Variants in NFASC observed in about 807,000 individuals in gnomAD.
The protein encoded by NFASC is neurofascin homolog.
In NFASC, 43 loss-of-function variants were observed where a neutral mutation model predicts 147.5. The observed-to-expected ratio is 0.29, with a 90% CI of 0.23 to 0.38. NFASC has a LOEUF of 0.38. NFASC is among the 10% of genes least tolerant of loss of function. NFASC has a pLI of 1.00. For synonymous variants in NFASC, 622 were observed against 665.5 expected, an observed-to-expected ratio of 0.93 and a Z score of 1.01; for missense variants, 1,320 against 1,689.0, an observed-to-expected ratio of 0.78 and a Z score of 3.83.
chr1:204,982,503 G>C (rs924179219), intron 21 of NFASC, among the ~76,000 whole-genome samples: 1 of 152,220 alleles, frequency 6.6e-6, no homozygotes, highest in Admixed American at 6.5e-5. Context: ...GGATCAGGAG[G>C]CCTCCTCAGC....
chr1:204,874,332 C>T (rs1174982194), intron 1 of NFASC, among the ~76,000 whole-genome samples: 2 of 152,224 alleles, frequency 1.3e-5, no homozygotes, highest in African/African-American at 4.8e-5. Context: ...TGCTAAATTC[C>T]AGTTCTTCTG....
At chr1:204,865,310 A>G (rs1321695050) in intron 1 of NFASC, among the ~76,000 whole-genome samples, 2 of 152,226 alleles carry the variant, frequency 1.3e-5, no homozygotes, top group Admixed American at 6.5e-5. Flanking sequence ...TTATACTGTA[A>G]TAAAAGTCAT....
intron 17 of NFASC, 137 bp downstream of exon 17, chr1:204,977,862 C>A: frequency 1.5e-6 from 1 of 683,782 alleles, no homozygotes; most frequent in Non-Finnish European, 2.4e-6. Context: ...TACATGGGAC[C>A]TCCTTTGAGT....
At chr1:205,007,212 G>A (rs1179838907) in intron 27 of NFASC, among the ~76,000 whole-genome samples, 1 of 151,572 alleles carries the variant, frequency 6.6e-6, no homozygotes, top group African/African-American at 2.4e-5. Context: ...CCACAACATA[G>A]CAAGACCCTG....
chr1:204,846,200 C>CAAA (rs60005710), intron 1 of NFASC, among the ~76,000 whole-genome samples: 11 of 109,834 alleles, frequency 1.0e-4, no homozygotes, highest in African/African-American at 2.8e-4. Flanking sequence ...CCTGTCTATA[C>CAAA]AAAAAAAAAA....
intron 2 of NFASC, among the ~76,000 whole-genome samples, chr1:204,938,055 G>A (rs1328461482): frequency 6.6e-6 from 1 of 152,246 alleles, no homozygotes; most frequent in Admixed American, 6.5e-5. Context: ...CACTTCAGAT[G>A]TGTTGTGACC....
intron 21 of NFASC, among the ~76,000 whole-genome samples, chr1:204,982,368 C>G (rs2095524922): frequency 6.6e-6 from 1 of 152,214 alleles, no homozygotes; most frequent in African/African-American, 2.4e-5. Flanking sequence ...GGCAGTCTGC[C>G]TTACTGCTAA....
rs767480384 is a variant in NFASC at position 204,948,709 on chromosome 1, C to T, written c.92-1848C>T. On this transcript the variant is annotated intron_variant, in intron 3 of 29. Coordinates refer to ENST00000339876, the MANE Select transcript of NFASC (RefSeq NM_001005388.3). Reference sequence around the variant, plus strand: ...CTTCTTCCTTGGATCTGGAGATTCCCTGGACAATGTCTAGGGCTCTTTCCA... The same window carrying T: ...CTTCTTCCTTGGATCTGGAGATTCCTTGGACAATGTCTAGGGCTCTTTCCA... 1.9e-5 allele frequency: 10 copies of T among 519,048 alleles called. No individual in the cohort carries two copies. The Admixed American group carries it at 1.9e-4, about 10-fold the overall frequency. 32.2% of individuals were successfully genotyped at this position (519,048 alleles called of 1,614,324 possible).
rs940976741 is a variant in NFASC at position 204,994,687 on chromosome 1, G to A, written c.2783-2483G>A. On this transcript the variant is annotated intron_variant, in intron 24 of 29. Coordinates refer to ENST00000339876, the MANE Select transcript of NFASC (RefSeq NM_001005388.3). ...TTTTGTTTACTTGAGGCAGAGTCTC[G>A]CTCTGTCGCCCAGGCTAGAGTGCAG... 6.6e-5 allele frequency among the ~76,000 whole-genome samples: 10 copies of A among 152,178 alleles called. 1 individual carries two copies. The highest frequency in any genetic ancestry group is 2.1e-4 in the South Asian group (1 of 4,822).
In NFASC at chr1:205,016,288, C is replaced by T. The variant is rs374727306; in HGVS notation, c.3492-20C>T. The T allele has an allele frequency of 5.1e-6, 8 of 1,568,390 alleles. No homozygotes were observed. The highest frequency in any genetic ancestry group is 7.0e-6 in the Non-Finnish European group (8 of 1,138,852). Reference sequence around the variant, plus strand: ...GCCCCATCTCACCCCACCTGAGATTCTCTGTCTCTCTTTGGCCAGTGATGA... The same window carrying T: ...GCCCCATCTCACCCCACCTGAGATTTTCTGTCTCTCTTTGGCCAGTGATGA... On this transcript the variant is annotated intron_variant, in intron 29 of 29. Coordinates refer to ENST00000339876, the MANE Select transcript of NFASC (RefSeq NM_001005388.3). This position sits in a 1 kb window ranked among gnomAD's most constrained non-coding sequence, Gnocchi z 5.1.
chr1:204,942,994 C>T (rs1170772235), intron 2 of NFASC, among the ~76,000 whole-genome samples: 2 of 152,164 alleles, frequency 1.3e-5, no homozygotes, highest in Non-Finnish European at 2.9e-5. Context: ...GCACTGGAGT[C>T]CTGTTCTTAT....
rs986722471 is a variant in NFASC at position 204,920,660 on chromosome 1, G to A, written c.-171G>A. The A allele has an allele frequency of 9.3e-6, 12 of 1,289,304 alleles. No homozygotes were observed. In the African/African-American group the frequency reaches 1.5e-4, roughly 16 times the overall value. The allele number at this position is 1,289,304 out of a possible 1,614,324, so 79.9% of individuals were successfully genotyped here. ...GATTGACTTATGTGCAATTTGGGAC[G>A]CTGGAGTTTACCTTCCCTCCGCAGC... On this transcript the variant is annotated 5_prime_UTR_variant, in exon 2 of 30. Transcript: ENST00000339876.
intron 2 of NFASC, 147 bp downstream of exon 2, chr1:204,920,887 A>G: frequency 5.4e-6 from 2 of 371,430 alleles, no homozygotes; most frequent in Non-Finnish European, 1.0e-5. Flanking sequence ...TCTTCTCCCC[A>G]GAGATAGAAG....
At chr1:204,965,148 A>G (rs538319648) in intron 8 of NFASC, among the ~76,000 whole-genome samples, 1 of 152,298 alleles carries the variant, frequency 6.6e-6, no homozygotes, top group African/African-American at 2.4e-5. Context: ...TTGATCAGGC[A>G]TTAGGTCAGA....
chr1:204,940,004 T>C (rs1035237978), intron 2 of NFASC, among the ~76,000 whole-genome samples: 1 of 152,212 alleles, frequency 6.6e-6, no homozygotes, highest in Non-Finnish European at 1.5e-5. Context: ...CTGCCTTCCA[T>C]GCTGAGTGAG....
Position 204,989,306 on chromosome 1 carries a change from G to A in NFASC, c.2767+500G>A, listed in dbSNP as rs6694447. The A allele has an allele frequency of 9.7e-3, 1,526 of 157,308 alleles. 23 individuals are homozygous for A. The highest frequency in any genetic ancestry group is 0.035 in the African/African-American group (1,447 of 41,628). 9.7% of individuals were successfully genotyped at this position (157,308 alleles called of 1,614,324 possible). On this transcript the variant is annotated intron_variant, in intron 23 of 29. Coordinates refer to ENST00000339876, the MANE Select transcript of NFASC (RefSeq NM_001005388.3). ...TGGCATCATGAGTAGAGCAGAGAATGTGGTCCTTCCTTGCAGCCTGAATTG... is the reference window on the plus strand; with the variant it reads ...TGGCATCATGAGTAGAGCAGAGAATATGGTCCTTCCTTGCAGCCTGAATTG...
chr1:204,911,919 A>T (rs1049336822), intron 1 of NFASC, among the ~76,000 whole-genome samples: 1 of 152,108 alleles, frequency 6.6e-6, no homozygotes, highest in Non-Finnish European at 1.5e-5. Context: ...TAGAGTTTTC[A>T]TGGTAGTTTC....
chr1:204,986,961 C>G lies in NFASC; in HGVS notation c.2471-457C>G, dbSNP rs1028786066. The G allele has an allele frequency of 4.2e-5, 7 of 164,782 alleles. No homozygotes were observed. The highest frequency in any genetic ancestry group is 1.2e-4 in the Admixed American group (2 of 16,738). 10.2% of individuals were successfully genotyped at this position (164,782 alleles called of 1,614,324 possible). On this transcript the variant is annotated intron_variant, in intron 21 of 29. Transcript: ENST00000339876. The surrounding 1 kb of genome is among the most constrained non-coding windows in gnomAD (Gnocchi z 4.2). ...GGCTTTCTGTCTCCTTACCCCTGAA[C>G]CCAACATTCTCAGCTCAGAAGCCTG...
chr1:204,829,354 C>T (rs1315147500), intron 1 of NFASC, among the ~76,000 whole-genome samples: 1 of 151,650 alleles, frequency 6.6e-6, no homozygotes, highest in Non-Finnish European at 1.5e-5. Flanking sequence ...GCATCACAGT[C>T]CCTCTCAAGA....
Sources: allele counts gnomAD v4.1 joint callset (sites outside exome capture counted in the v4.1 genomes callset), GRCh38; gene constraint gnomAD v4.1.1; non-coding constraint Gnocchi (gnomAD v3.1); transcripts MANE v1.5; gene names NCBI Gene and HGNC (gene_info 2026-07-23, HGNC 2026-07-21).